FRYL: variants seen among roughly 807,000 people sequenced by gnomAD.
The protein encoded by FRYL is protein furry homolog-like.
In FRYL, 150 loss-of-function variants were observed where a neutral mutation model predicts 351.2. That is an observed-to-expected ratio of 0.43 (90% confidence interval 0.37 to 0.49). The LOEUF is 0.49. Among genes scored for constraint, FRYL ranks in the 20% least tolerant of loss-of-function variants. FRYL has a pLI of 0.00. For synonymous variants in FRYL, 1,153 were observed against 1,257.1 expected (o/e 0.92, Z 1.75); for missense variants, 3,036 against 3,619.3 (o/e 0.84, Z 4.13).
chr4:48,654,375 G>T (rs181983259), intron 3 of FRYL, among the ~76,000 whole-genome samples: 68 of 151,308 alleles, frequency 4.5e-4, no homozygotes, highest in African/African-American at 1.5e-3. Context: ...GTTTCCTCTA[G>T]GTTATTTTAG....
Position 48,580,971 on chromosome 4 carries a change from T to A in FRYL, c.2173-20A>T. 6.6e-7 allele frequency: 1 copy of A among 1,522,442 alleles called. No homozygotes were observed. Among genetic ancestry groups the A allele is most frequent in the Non-Finnish European group, 8.9e-7 (1 of 1,125,340 alleles). 94.3% of individuals were successfully genotyped at this position (1,522,442 alleles called of 1,614,324 possible). On this transcript the variant is annotated intron_variant, in intron 21 of 63. Transcript: ENST00000358350. Reference sequence around the variant, plus strand: ...ATCACCCTGTAAAAAAGACATCATATGTCTAAAAAAATTAGGAATGTTTAA... The same window carrying A: ...ATCACCCTGTAAAAAAGACATCATAAGTCTAAAAAAATTAGGAATGTTTAA...
At chr4:48,573,026 T>C (rs1738695962) in intron 26 of FRYL, among the ~76,000 whole-genome samples, 160 bp downstream of exon 26, 2 of 152,180 alleles carry the variant, frequency 1.3e-5, no homozygotes, top group South Asian at 4.1e-4. Context: ...TTTTACATAA[T>C]GGGTTTCTGC....
At chr4:48,581,708 C>A in intron 20 of FRYL, 103 bp from the exon 21 acceptor site, 2 of 900,586 alleles carry the variant, frequency 2.2e-6, no homozygotes, top group Non-Finnish European at 3.3e-6. Context: ...TTATGACTAC[C>A]GGTCTGCCTC....
intron 49 of FRYL, among the ~76,000 whole-genome samples, chr4:48,531,752 G>A (rs1166229828): frequency 1.3e-5 from 2 of 152,136 alleles, no homozygotes; most frequent in African/African-American, 4.8e-5. Flanking sequence ...TTAAGTCTTT[G>A]CAGATAAAAA....
At chr4:48,647,200 G>A (rs566159311) in intron 3 of FRYL, among the ~76,000 whole-genome samples, 1 of 152,272 alleles carries the variant, frequency 6.6e-6, no homozygotes, top group African/African-American at 2.4e-5. Context: ...GTGAGGTTGG[G>A]CTGATGGTAA....
At chr4:48,653,742 CT>C in intron 3 of FRYL, 1 of 1,290,768 alleles carries the variant, frequency 7.7e-7, no homozygotes, top group Non-Finnish European at 1.0e-6. Context: ...TTAACAAGGA[CT>C]TTATGCTAAT....
chr4:48,696,515 T>C (rs1374070068), intron 2 of FRYL, among the ~76,000 whole-genome samples: 3 of 151,622 alleles, frequency 2.0e-5, no homozygotes, highest in Non-Finnish European at 4.4e-5. Flanking sequence ...CATCACACAC[T>C]GGGGCCAGTC....
At chr4:48,750,146 A>C (rs926282988) in intron 1 of FRYL, among the ~76,000 whole-genome samples, 55 of 151,072 alleles carry the variant, frequency 3.6e-4, no homozygotes, top group African/African-American at 1.2e-3. Flanking sequence ...AAAAAAAAAA[A>C]AAAAAAAGAA....
intron 44 of FRYL, 99 bp downstream of exon 44, chr4:48,543,708 T>A: frequency 1.0e-6 from 1 of 980,380 alleles, no homozygotes. Context: ...TAATTCTAGA[T>A]GCCCATTATC....
chr4:48,615,858 T>C (rs1353429033), intron 7 of FRYL, among the ~76,000 whole-genome samples: 1 of 152,132 alleles, frequency 6.6e-6, no homozygotes. Flanking sequence ...ATGTGGCACA[T>C]ATACACCATG....
In FRYL at chr4:48,549,385, A is replaced by G; in HGVS notation, c.4784+88T>C. The stretch of plus-strand genomic sequence containing the variant: ...TATCTCCATAAAGAAGATTGCTTTC[A>G]TTCTGTGTTGTCAGATAGCACAAAG... On this transcript the variant is annotated intron_variant, in intron 39 of 63. Transcript: ENST00000358350. This position sits in a 1 kb window ranked among gnomAD's most constrained non-coding sequence, Gnocchi z 4.2. The G allele has an allele frequency of 1.7e-6, 2 of 1,205,992 alleles. No homozygotes were observed. The highest frequency in any genetic ancestry group is 2.3e-6 in the Non-Finnish European group (2 of 871,922). The allele number at this position is 1,205,992 out of a possible 1,614,324, so 74.7% of individuals were successfully genotyped here. A position where few individuals can be genotyped will look rare whatever the true frequency, so the allele number is the denominator to read the frequency against.
At position 48,565,537 on chromosome 4, in the gene FRYL, C is replaced by T. The variant is rs1288587623; in HGVS notation, c.3324G>A (p.Ala1108=). The part of the protein sequence containing the change: ...NMQINRHQYC[A]LKAMSAVLCC... ...CAGGTTTCTAAGTAAATACCTTTAA[C>T]GCACAGTATTGATGTCTATTAATTT... is the stretch of plus-strand genomic sequence containing the variant. The change falls in exon 29 of 64, where the codon GCG becomes GCA. Residue 1108 remains alanine (A), a synonymous_variant. Transcript: ENST00000358350. 14 of 1,566,028 alleles carry T rather than the reference C, an allele frequency of 8.9e-6. No homozygotes were observed. Among genetic ancestry groups the T allele is most frequent in the Admixed American group, 4.1e-5 (2 of 48,666 alleles).
At chr4:48,715,198 T>A (rs1302140600) in intron 1 of FRYL, among the ~76,000 whole-genome samples, 7 of 151,526 alleles carry the variant, frequency 4.6e-5, no homozygotes, top group African/African-American at 1.7e-4. Context: ...AAGCATTCCC[T>A]TTGAAAACTG....
rs542899641 is a variant in FRYL at position 48,570,752 on chromosome 4, A to G, written c.2996+75T>C. 13 of 1,063,106 alleles carry G rather than the reference A, an allele frequency of 1.2e-5. No homozygotes were observed. The African/African-American group carries it at 1.9e-4, about 15-fold the overall frequency. 65.9% of individuals were successfully genotyped at this position (1,063,106 alleles called of 1,614,324 possible). ...TGCAATGGTGCTTTTCTGTTTTTAT[A>G]CATTTCATGAGCGAAAAGAGATTAC... is the stretch of plus-strand genomic sequence containing the variant. On this transcript the variant is annotated intron_variant, in intron 27 of 63. Transcript: ENST00000358350.
At chr4:48,771,614 A>G (rs972660320) in intron 1 of FRYL, among the ~76,000 whole-genome samples, 3 of 152,216 alleles carry the variant, frequency 2.0e-5, no homozygotes, top group African/African-American at 7.2e-5. Flanking sequence ...GGTAGCATCT[A>G]CCATCCTGTT....
At chr4:48,569,309 C>CA (rs1364747335) in intron 27 of FRYL, among the ~76,000 whole-genome samples, 2 of 151,516 alleles carry the variant, frequency 1.3e-5, no homozygotes, top group Non-Finnish European at 2.9e-5. Context: ...TTCTTTCTTT[C>CA]TTTTTTTTTC....
chr4:48,590,656 A>C lies in FRYL; in HGVS notation c.1507+3T>G. 1 of 1,584,972 alleles carries C rather than the reference A, an allele frequency of 6.3e-7. No individual in the cohort carries two copies. The highest frequency in any genetic ancestry group is 8.6e-7 in the Non-Finnish European group (1 of 1,158,688). On this transcript the variant is annotated splice_donor_region_variant and intron_variant, in intron 17 of 63. Coordinates refer to ENST00000358350, the MANE Select transcript of FRYL (RefSeq NM_015030.2). ...AGCAACATTTAATTTCAATTAAACT[A>C]ACCTATGACTTTTGCTTCTTCATCT...
intron 26 of FRYL, chr4:48,571,857 T>C: frequency 2.0e-6 from 2 of 985,356 alleles, no homozygotes; most frequent in Non-Finnish European, 2.4e-6. Context: ...ATAACTCACA[T>C]TCAAGGCACA....
intron 8 of FRYL, 96 bp downstream of exon 8, chr4:48,609,648 G>C: frequency 1.8e-6 from 1 of 544,152 alleles, no homozygotes; most frequent in South Asian, 3.1e-5. Flanking sequence ...GATAAGAATT[G>C]CCTTGAACTC....
Sources: gnomAD v4.1 joint callset for allele counts (sites outside exome capture counted in the v4.1 genomes callset) on GRCh38, gnomAD v4.1.1 for gene constraint, Gnocchi (gnomAD v3.1) non-coding constraint, MANE v1.5 for transcripts, NCBI Gene and HGNC (gene_info 2026-07-23, HGNC 2026-07-21) for gene names.